The following DOCK5 variants were observed in gnomAD, a reference collection of about 807,000 sequenced individuals.
DOCK5 encodes dedicator of cytokinesis protein 5.
A neutral mutation model predicts 251.8 loss-of-function variants in DOCK5; 142 were observed. That is an observed-to-expected ratio of 0.56 (90% CI 0.49 to 0.65). DOCK5 has a LOEUF of 0.65. Ranked by LOEUF, DOCK5 falls within the 30% of genes least tolerant of loss-of-function variation. The pLI is 0.00. For synonymous variants in DOCK5, 842 were observed against 835.5 expected (o/e 1.01, Z -0.13); for missense variants, 2,111 against 2,312.3 (o/e 0.91, Z 1.79).
At chr8:25,392,165 G>C (rs578059527) in intron 43 of DOCK5, among the ~76,000 whole-genome samples, 185 bp downstream of exon 43, 1 of 152,124 alleles carries the variant, frequency 6.6e-6, no homozygotes, top group African/African-American at 2.4e-5. Flanking sequence ...TTAGCCGGGC[G>C]TGGTGGCACG....
chr8:25,301,393 A>C (rs1048999415), intron 9 of DOCK5, among the ~76,000 whole-genome samples: 2 of 152,216 alleles, frequency 1.3e-5, no homozygotes, highest in African/African-American at 4.8e-5. Context: ...GACCTGAGTT[A>C]ACTAAATTAC....
At chr8:25,201,898 C>T (rs1416030967) in intron 1 of DOCK5, among the ~76,000 whole-genome samples, 2 of 152,174 alleles carry the variant, frequency 1.3e-5, no homozygotes, top group South Asian at 2.1e-4. Flanking sequence ...TACTGGTTGG[C>T]TCAGAACCTG....
intron 1 of DOCK5, among the ~76,000 whole-genome samples, chr8:25,198,882 CA>C (rs1407662733): frequency 3.3e-5 from 5 of 152,190 alleles, no homozygotes; most frequent in Admixed American, 3.3e-4. Context: ...CCTCTCCATC[CA>C]AAGGGGAAGA....
chr8:25,288,868 T>C (rs1244789557), intron 5 of DOCK5, among the ~76,000 whole-genome samples: 1 of 152,222 alleles, frequency 6.6e-6, no homozygotes, highest in African/African-American at 2.4e-5. Context: ...TATGTTTTGC[T>C]AAGGACTGGG....
intron 28 of DOCK5, among the ~76,000 whole-genome samples, chr8:25,360,932 G>A (rs1800667363): frequency 6.6e-6 from 1 of 152,124 alleles, no homozygotes; most frequent in African/African-American, 2.4e-5. Flanking sequence ...GCTGTATTAT[G>A]TAATTAAAAG....
In DOCK5 at chr8:25,400,013, C is replaced by A; in HGVS notation, c.4788+19C>A. 2 of 1,607,352 alleles carry A rather than the reference C, an allele frequency of 1.2e-6. No individual in the cohort carries two copies. The highest frequency in any genetic ancestry group is 2.2e-5 in the South Asian group (2 of 90,398). ...ATTACAGGTACAGGACGGCTTTCCT[C>A]TACACTCCCAGGGAGGCCACAGTGT... is the stretch of plus-strand genomic sequence containing the variant. On this transcript the variant is annotated intron_variant, in intron 46 of 51. Coordinates refer to ENST00000276440, the MANE Select transcript of DOCK5 (RefSeq NM_024940.8).
At chr8:25,283,669 T>A (rs901677330) in intron 5 of DOCK5, among the ~76,000 whole-genome samples, 1 of 152,140 alleles carries the variant, frequency 6.6e-6, no homozygotes, top group Non-Finnish European at 1.5e-5. Flanking sequence ...AGCTCCCTTC[T>A]GTATGGCCCC....
rs201835972 is a variant in DOCK5, at chr8:25,389,148, A to C, written c.4189A>C (p.Arg1397=). The part of the protein sequence containing the change: ...EYERREDFSL[R]LLTQFPNAEK... ...TGAGAGGCGAGAGGACTTCAGCCTG[A>C]GGTTGTTAACCCAGTTCCCCAATGC... Residue 1397 remains arginine, a synonymous_variant, in exon 41 of 52, where the codon AGG becomes CGG. Coordinates refer to ENST00000276440, the MANE Select transcript of DOCK5 (RefSeq NM_024940.8). 6.3e-5 allele frequency: 101 copies of C among 1,614,018 alleles called. No homozygotes were observed. In the African/African-American group the frequency reaches 1.2e-3, roughly 19 times the overall value.
chr8:25,348,823 G>A (rs1800414637), intron 26 of DOCK5, among the ~76,000 whole-genome samples: 1 of 149,540 alleles, frequency 6.7e-6, no homozygotes, highest in South Asian at 2.1e-4. Context: ...GGGCAACAGA[G>A]CGAGACTCTG....
At position 25,341,838 on chromosome 8, in the gene DOCK5, TAACTC is replaced by T. The variant is rs772924997; in HGVS notation, c.2510+30_2510+34del. ...AATAGCAAAACAAAATTTTGTTCCT[TAACTC>T]TAACAGAAACAGCTCCCCTGCTTGG... On this transcript the variant is annotated intron_variant, in intron 24 of 51. Coordinates refer to ENST00000276440, the MANE Select transcript of DOCK5 (RefSeq NM_024940.8). 1.9e-6 allele frequency: 3 copies of T among 1,538,544 alleles called. No homozygotes were observed. The South Asian group carries it at 3.6e-5, about 18-fold the overall frequency.
rs868590503 is a variant in DOCK5 at position 25,318,597 on chromosome 8, T to C, written c.1444-981T>C. On this transcript the variant is annotated intron_variant, in intron 14 of 51. Coordinates refer to ENST00000276440, the MANE Select transcript of DOCK5 (RefSeq NM_024940.8). ...CTTTTCCATTTTCTTTCCTTCTTTT[T>C]TTTTTTTTTTTTTTTTAATTAAGAC... 1.3e-3 allele frequency among the ~76,000 whole-genome samples: 189 copies of C among 140,928 alleles called. 3 individuals are homozygous for C. The highest frequency in any genetic ancestry group is 2.1e-3 in the Non-Finnish European group (137 of 64,768). The allele number at this position is 140,928 out of a possible 152,430, so 92.5% of individuals were successfully genotyped here.
intron 25 of DOCK5, 87 bp downstream of exon 25, chr8:25,342,594 T>G (rs1455546728): frequency 1.0e-6 from 1 of 958,864 alleles, no homozygotes; most frequent in East Asian, 3.3e-5. Context: ...AGAACAAGAC[T>G]CCATCTCAAA....
intron 1 of DOCK5, among the ~76,000 whole-genome samples, chr8:25,220,399 A>G (rs1247384281): frequency 2.0e-5 from 3 of 152,122 alleles, no homozygotes; most frequent in Non-Finnish European, 4.4e-5. Context: ...AAGACTTTCA[A>G]ATGCCTTTAT....
At chr8:25,378,969 C>G (rs2659588) in intron 38 of DOCK5, among the ~76,000 whole-genome samples, 148,764 of 152,264 alleles carry the variant, frequency 0.98, 72,758 homozygotes, top group Middle Eastern at 1. Context: ...AAACCAGCAA[C>G]TTTTTGTTAA....
chr8:25,250,592 T>C (rs1803241744), intron 2 of DOCK5, among the ~76,000 whole-genome samples: 1 of 152,246 alleles, frequency 6.6e-6, no homozygotes, highest in Admixed American at 6.5e-5. Context: ...CATTATTTGC[T>C]GAGCACCAAG....
chr8:25,329,613 T>C (rs1240441728), intron 18 of DOCK5, among the ~76,000 whole-genome samples: 1 of 152,180 alleles, frequency 6.6e-6, no homozygotes, highest in African/African-American at 2.4e-5. Context: ...GCATAATATT[T>C]AATATGGTTG....
At chr8:25,194,541 A>C (rs11997829) in intron 1 of DOCK5, among the ~76,000 whole-genome samples, 112,430 of 151,918 alleles carry the variant, frequency 0.74, 42,651 homozygotes, top group Non-Finnish European at 0.81. Context: ...CTACCTGATA[A>C]CAAGTGATCT....
chr8:25,378,226 A>G (rs1362755955), intron 38 of DOCK5, among the ~76,000 whole-genome samples: 1 of 152,188 alleles, frequency 6.6e-6, no homozygotes, highest in Non-Finnish European at 1.5e-5. Flanking sequence ...GACCACCATG[A>G]GTCACCTCAT....
chr8:25,319,726 A>T, intron 15 of DOCK5, 50 bp downstream of exon 15: 1 of 1,355,566 alleles, frequency 7.4e-7, no homozygotes, highest in South Asian at 1.3e-5. Flanking sequence ...CCTCAGTTAG[A>T]TTCCTATCTT....
Sources: allele counts gnomAD v4.1 joint callset (sites outside exome capture counted in the v4.1 genomes callset), GRCh38; gene constraint gnomAD v4.1.1; transcripts MANE v1.5; gene names NCBI Gene and HGNC (gene_info 2026-07-23, HGNC 2026-07-21).